Variants in ADGRG2 observed in about 807,000 individuals in gnomAD.
ADGRG2 encodes G protein-coupled receptor 64.
ADGRG2 carries 26 observed loss-of-function variants against 74.1 expected under a neutral mutation model. The observed-to-expected ratio is 0.35, with a 90% confidence interval of 0.26 to 0.49. ADGRG2 has a LOEUF of 0.49. Ranked by LOEUF, ADGRG2 falls within the 20% of genes least tolerant of loss-of-function variation. The pLI is 0.99. For missense variants in ADGRG2, 619 were observed against 763.1 expected (o/e 0.81, Z 2.22); for synonymous variants, 296 against 295.2 (o/e 1.00, Z -0.03).
In ADGRG2 at chrX:19,040,196, T is replaced by C. The variant is rs2061028951; in HGVS notation, c.147A>G (p.Pro49=). 8.6e-7 allele frequency: 1 copy of C among 1,159,772 alleles called. No homozygotes were observed. The highest frequency in any genetic ancestry group is 1.8e-5 in the African/African-American group (1 of 56,875). Residue 49 remains proline (P), a synonymous_variant, in exon 4 of 29, where the codon CCA becomes CCG. Coordinates refer to ENST00000379869, the MANE Select transcript of ADGRG2 (RefSeq NM_001079858.3). ...TCTAAAAAAACAACTTACCAGGTGG[T>C]GGTGACAAACTGGAATTATCAGTAT... ...EEDTDNSSLS[P]PPAKLSVVSF...
intron 3 of ADGRG2, among the ~76,000 whole-genome samples, chrX:19,043,277 T>C (rs759007281): frequency 2.1e-4 from 23 of 111,479 alleles, no homozygotes; most frequent in African/African-American, 7.5e-4. Context: ...AACCTAGAGG[T>C]ATCCCCACAG....
At position 19,010,860 on chromosome X, in the gene ADGRG2, A is replaced by G. The variant is rs896836915; in HGVS notation, c.1100-82T>C. ...GATAAACGTACATAGACCCTGTGAT[A>G]TGGCAAACTCACTCCTGGGTATTTG... On this transcript the variant is annotated intron_variant, in intron 16 of 28. Transcript: ENST00000379869. 3 of 662,848 alleles carry G rather than the reference A, an allele frequency of 4.5e-6. No individual in the cohort carries two copies. In the African/African-American group the frequency reaches 6.6e-5, roughly 15 times the overall value. The allele number at this position is 662,848 out of a possible 1,213,427, so 54.6% of individuals were successfully genotyped here. A position where few individuals can be genotyped will look rare whatever the true frequency, so the allele number is the denominator to read the frequency against.
At chrX:19,117,134 A>C (rs1440022527) in intron 1 of ADGRG2, among the ~76,000 whole-genome samples, 1 of 109,238 alleles carries the variant, frequency 9.2e-6, no homozygotes, top group Non-Finnish European at 1.9e-5. Flanking sequence ...TACTAAAAAT[A>C]CAAAAAAAAA....
At chrX:19,119,077 T>C (rs1392836039) in intron 1 of ADGRG2, among the ~76,000 whole-genome samples, 1 of 112,046 alleles carries the variant, frequency 8.9e-6, no homozygotes, top group African/African-American at 3.2e-5. Context: ...AGGGAATTCC[T>C]TGGAGTGGTA....
At chrX:19,041,961 C>A (rs1290378900) in intron 3 of ADGRG2, among the ~76,000 whole-genome samples, 1 of 110,577 alleles carries the variant, frequency 9.0e-6, no homozygotes. Context: ...AGGTACGCAC[C>A]ACCACACCTG....
chrX:19,014,393 G>A (rs1292441901), intron 15 of ADGRG2, among the ~76,000 whole-genome samples: 1 of 111,649 alleles, frequency 9.0e-6, no homozygotes, highest in East Asian at 2.8e-4. Flanking sequence ...GCTCCCGGGT[G>A]AGGGGAACTG....
At chrX:19,089,724 G>T (rs1478789101) in intron 1 of ADGRG2, among the ~76,000 whole-genome samples, 3 of 111,378 alleles carry the variant, frequency 2.7e-5, no homozygotes, top group African/African-American at 9.8e-5. Flanking sequence ...CCCACGCCTG[G>T]TCAGGCATTG....
At chrX:19,103,270 G>A (rs780663247) in intron 1 of ADGRG2, among the ~76,000 whole-genome samples, 19 of 110,540 alleles carry the variant, frequency 1.7e-4, no homozygotes, top group Admixed American at 1.2e-3. Flanking sequence ...GCGCCATGAC[G>A]GTTTACAAAT....
chrX:19,005,801 C>G (rs1464385843), intron 22 of ADGRG2, among the ~76,000 whole-genome samples: 1 of 111,975 alleles, frequency 8.9e-6, no homozygotes, highest in Admixed American at 9.5e-5. Context: ...GATCCACCCA[C>G]CTTGGCCTCC....
At chrX:19,098,301 T>C (rs961552699) in intron 1 of ADGRG2, among the ~76,000 whole-genome samples, 6 of 111,896 alleles carry the variant, frequency 5.4e-5, no homozygotes, top group Non-Finnish European at 1.1e-4. Context: ...TTAGAGAACA[T>C]AGTAAACTGT....
chrX:19,096,694 G>A (rs746494255), intron 1 of ADGRG2, among the ~76,000 whole-genome samples: 14 of 111,424 alleles, frequency 1.3e-4, no homozygotes, highest in African/African-American at 3.9e-4. Context: ...TATTTTCAGT[G>A]AGTCATGATG....
chrX:19,037,327 G>A, intron 6 of ADGRG2, 140 bp downstream of exon 6: 1 of 460,009 alleles, frequency 2.2e-6, no homozygotes, highest in East Asian at 4.0e-5. Flanking sequence ...CTCCAGGGTT[G>A]GCAAGTTTTG....
chrX:19,014,100 A>C, intron 15 of ADGRG2, 26 bp from the exon 16 acceptor site: 1 of 1,138,733 alleles, frequency 8.8e-7, no homozygotes, highest in Non-Finnish European at 1.2e-6. Context: ...AGAGAGATAC[A>C]TGTGAGACAC....
chrX:19,115,157 T>G (rs1348837496), intron 1 of ADGRG2, among the ~76,000 whole-genome samples: 2 of 111,372 alleles, frequency 1.8e-5, no homozygotes, highest in East Asian at 5.7e-4. Context: ...CACACTAACA[T>G]TGGAACAGAA....
intron 3 of ADGRG2, among the ~76,000 whole-genome samples, chrX:19,060,545 T>C (rs1009362937): frequency 2.9e-5 from 3 of 102,997 alleles, no homozygotes; most frequent in Non-Finnish European, 5.9e-5. Context: ...AGGTATTCTT[T>C]TTTTTTTTTT....
At position 19,085,904 on chromosome X, in the gene ADGRG2, C is replaced by G. The variant is rs146317695; in HGVS notation, c.-46-3158G>C. Among the ~76,000 whole-genome samples, 399 of 111,615 alleles carry G rather than the reference C, an allele frequency of 3.6e-3. 2 individuals are homozygous for G. The highest frequency in any genetic ancestry group is 0.012 in the African/African-American group (380 of 30,715). On this transcript the variant is annotated intron_variant, in intron 1 of 28. Coordinates refer to ENST00000379869, the MANE Select transcript of ADGRG2 (RefSeq NM_001079858.3). ...GCTCAGCTCAACGTCATCTCCCCTT[C>G]GCCTGCTCTACCTCAGTTAGAAAGG...
chrX:19,045,706 A>G (rs1274434219), intron 3 of ADGRG2, among the ~76,000 whole-genome samples: 3 of 109,163 alleles, frequency 2.7e-5, no homozygotes, highest in Non-Finnish European at 5.7e-5. Context: ...ACTGCCTCAT[A>G]CCCGGGTGTA....
At chrX:19,073,220 A>C (rs2061681255) in intron 2 of ADGRG2, among the ~76,000 whole-genome samples, 1 of 112,464 alleles carries the variant, frequency 8.9e-6, no homozygotes, top group Non-Finnish European at 1.9e-5. Context: ...AGCCTAACAC[A>C]AACATCTATT....
intron 3 of ADGRG2, among the ~76,000 whole-genome samples, chrX:19,051,522 T>C (rs1490524084): frequency 8.9e-6 from 1 of 111,904 alleles, no homozygotes; most frequent in Admixed American, 9.5e-5. Flanking sequence ...CTTCCAGAAC[T>C]TTGCCACTCT....
Sources: gnomAD v4.1 joint callset for allele counts (sites outside exome capture counted in the v4.1 genomes callset) on GRCh38, gnomAD v4.1.1 for gene constraint, MANE v1.5 for transcripts, NCBI Gene and HGNC (gene_info 2026-07-23, HGNC 2026-07-21) for gene names.